ANKRD26: variants seen among roughly 807,000 people sequenced by gnomAD.
ANKRD26 encodes the protein ankyrin repeat domain 26.
Under a neutral mutation model 208.7 loss-of-function variants are expected in ANKRD26, and 141 were observed. The ratio of observed to expected loss-of-function variants is 0.68; its 90% CI spans 0.59 to 0.78. The LOEUF (loss-of-function observed/expected upper bound fraction) is 0.78. Ranked by LOEUF, ANKRD26 falls within the 30% of genes least tolerant of loss-of-function variation. ANKRD26 has a pLI of 0.00. For missense variants in ANKRD26, 1,889 were observed against 1,938.7 expected, an observed-to-expected ratio of 0.97 and a Z score of 0.48; for synonymous variants, 636 against 660.4, an observed-to-expected ratio of 0.96 and a Z score of 0.57.
intron 5 of ANKRD26, among the ~76,000 whole-genome samples, chr10:27,084,801 G>A (rs535865341): frequency 1.7e-4 from 26 of 151,104 alleles, no homozygotes; most frequent in African/African-American, 3.9e-4. Context: ...CCCAGGAGGC[G>A]GATGTTGCAG....
intron 33 of ANKRD26, among the ~76,000 whole-genome samples, chr10:27,006,180 C>A (rs1304238535): frequency 6.6e-6 from 1 of 152,130 alleles, no homozygotes. Flanking sequence ...TTGATGGAGG[C>A]AATATGTAGA....
rs771416156 is a variant in ANKRD26, at chr10:27,029,314, C to A, written c.3850G>T (p.Ala1284Ser). Reference sequence around the variant, plus strand: ...TGCTTGTGATCTTGCATCTTCTCAGCACATCTGACAGCTTCTGTATGTCGA... The same window carrying A: ...TGCTTGTGATCTTGCATCTTCTCAGAACATCTGACAGCTTCTGTATGTCGA... ...QDRHTEAVRC[A>S]EKMQDHKQKL... The change falls in exon 26 of 34, where the codon GCT becomes TCT. Residue 1284 changes from alanine to serine, a missense_variant. Physicochemically the swap from Ala to Ser is moderately conservative, Grantham distance 99. This residue lies in a region of ANKRD26 where 613 missense variants were observed against 648.2 expected (regional missense o/e 0.95). Coordinates refer to ENST00000376087, the MANE Select transcript of ANKRD26 (RefSeq NM_014915.3). 12 of 1,612,620 alleles carry A rather than the reference C, an allele frequency of 7.4e-6. No homozygotes were observed. Among genetic ancestry groups the A allele is most frequent in the Admixed American group, 3.3e-5 (2 of 59,930 alleles).
chr10:27,017,006 A>G (rs181669391), intron 30 of ANKRD26, among the ~76,000 whole-genome samples: 2 of 152,316 alleles, frequency 1.3e-5, no homozygotes, highest in African/African-American at 4.8e-5. Context: ...TGGGCAACAA[A>G]GCAAGACTCT....
At chr10:27,092,745 T>G (rs2056340673) in intron 3 of ANKRD26, among the ~76,000 whole-genome samples, 1 of 152,192 alleles carries the variant, frequency 6.6e-6, no homozygotes, top group Non-Finnish European at 1.5e-5. Context: ...ATCACATCAT[T>G]TGGCATGGCA....
the ANKRD26 span, among the ~76,000 whole-genome samples, chr10:26,960,563 C>A: frequency 1.8e-4 from 27 of 152,350 alleles, no homozygotes; most frequent in East Asian, 4.0e-3. Context: ...TCACTAAATC[C>A]TGACATATGA....
exon 6 of ANKRD26, among the ~76,000 whole-genome samples, chr10:26,975,447 C>T (rs1215490713): frequency 8.2e-6 from 1 of 121,510 alleles, no homozygotes. Flanking sequence ...CTCTATGTTG[C>T]CCAGGCTGGC....
intron 23 of ANKRD26, among the ~76,000 whole-genome samples, chr10:27,036,650 C>T (rs771274553): frequency 3.9e-5 from 6 of 152,182 alleles, no homozygotes; most frequent in Non-Finnish European, 7.4e-5. Context: ...TAAATTATCA[C>T]TAACTATATA....
At position 27,005,603 on chromosome 10, in the gene ANKRD26, T is replaced by C; in HGVS notation, c.5120A>G (p.Asn1707Ser). 1 of 1,611,072 alleles carries C rather than the reference T, an allele frequency of 6.2e-7. No individual in the cohort carries two copies. The highest frequency in any genetic ancestry group is 8.5e-7 in the Non-Finnish European group (1 of 1,177,986). ...SREYVQVLKK[N>S]YMI ...AAATCTTATCTTTCAGATCATATAA[T>C]TTTTCTTTAAAACCTGTACATATTC... Residue 1707 changes from asparagine to serine, a missense_variant, in exon 34 of 34, where the codon AAT (asparagine) becomes AGT (serine). Transcript: ENST00000376087.
In ANKRD26 at chr10:27,100,287, C is replaced by G. The variant is rs201068693; in HGVS notation, c.40G>C (p.Gly14Arg). The G allele has an allele frequency of 1.2e-6, 2 of 1,610,178 alleles. No homozygotes were observed. Among genetic ancestry groups the G allele is most frequent in the South Asian group, 2.2e-5 (2 of 91,018 alleles). Residue 14 changes from glycine to arginine, a missense_variant, in exon 1 of 34, where the codon GGC becomes CGC. Around this residue, in one of 3 missense-constraint regions of ANKRD26, gnomAD observed 1,272 missense variants for 1,273.8 expected, o/e 1.00. Coordinates refer to ENST00000376087, the MANE Select transcript of ANKRD26 (RefSeq NM_014915.3). ...IFSKKGESPL[G>R]SFARRQRSSA... is the part of the protein sequence containing the mutation. ...CTCCTCTGCCGCCGCGCGAAGGAGC[C>G]CAAGGGCGACTCGCCCTTCTTACTA...
downstream of ANKRD26, among the ~76,000 whole-genome samples, chr10:26,972,440 A>C (rs1589156611): frequency 1.3e-5 from 2 of 152,238 alleles, no homozygotes; most frequent in Admixed American, 1.3e-4. Context: ...AAGAAAAAAA[A>C]CTAAAGCTAA....
chr10:27,050,942 C>A, intron 16 of ANKRD26: 1 of 661,618 alleles, frequency 1.5e-6, no homozygotes, highest in East Asian at 7.0e-5. Context: ...TTTCTAAACA[C>A]AATTACATAT....
chr10:26,964,013 G>T, the ANKRD26 span, among the ~76,000 whole-genome samples: 2 of 140,856 alleles, frequency 1.4e-5, no homozygotes, highest in African/African-American at 5.4e-5. Flanking sequence ...GCAGGCTCAA[G>T]AGATTCTCTT....
intron 17 of ANKRD26, among the ~76,000 whole-genome samples, chr10:27,047,137 C>A (rs1332206497): frequency 1.3e-5 from 2 of 152,062 alleles, no homozygotes; most frequent in Admixed American, 1.3e-4. Context: ...TGTTTTTAAA[C>A]ATCATAATGT....
intron 29 of ANKRD26, among the ~76,000 whole-genome samples, chr10:27,020,906 C>CCT (rs1349927483): frequency 1.8e-4 from 28 of 152,114 alleles, no homozygotes; most frequent in Non-Finnish European, 3.1e-4. Flanking sequence ...AGGTGATCAG[C>CCT]CTACCTTGGC....
chr10:27,076,202 T>C (rs2055691104), intron 9 of ANKRD26, among the ~76,000 whole-genome samples: 1 of 151,064 alleles, frequency 6.6e-6, no homozygotes, highest in Admixed American at 6.6e-5. Context: ...GCTAAATGTA[T>C]TTATAACCAA....
intron 3 of ANKRD26, among the ~76,000 whole-genome samples, chr10:27,092,828 A>AT (rs2056344015): frequency 6.6e-6 from 1 of 152,238 alleles, no homozygotes; most frequent in South Asian, 2.1e-4. Flanking sequence ...CCCACCTGTA[A>AT]TATCAGCACT....
chr10:27,038,088 T>C, intron 21 of ANKRD26, 34 bp from the exon 22 acceptor site: 1 of 1,566,332 alleles, frequency 6.4e-7, no homozygotes, highest in Non-Finnish European at 8.7e-7. Context: ...AAAATCTGTA[T>C]TGTTACAAAA....
chr10:26,967,423 T>G, the ANKRD26 span, among the ~76,000 whole-genome samples: 1 of 152,224 alleles, frequency 6.6e-6, no homozygotes, highest in Admixed American at 6.5e-5. Flanking sequence ...AAGGCTGAGC[T>G]GTCACATCAC....
At chr10:27,024,771 TA>T (rs2053605206) in intron 27 of ANKRD26, among the ~76,000 whole-genome samples, 1 of 152,192 alleles carries the variant, frequency 6.6e-6, no homozygotes, top group African/African-American at 2.4e-5. Context: ...CAAAATTTGT[TA>T]AAAATAGAAG....
Sources: gnomAD v4.1 joint callset for allele counts (sites outside exome capture counted in the v4.1 genomes callset) on GRCh38, gnomAD v4.1.1 for gene constraint, gnomAD v4.1.1 regional missense constraint, MANE v1.5 for transcripts, NCBI Gene and HGNC (gene_info 2026-07-23, HGNC 2026-07-21) for gene names.